USP10: variants seen among roughly 807,000 people sequenced by gnomAD.
USP10 encodes the protein ubiquitin specific peptidase 10, also known as ubiquitin carboxyl-terminal hydrolase 10.
Under a neutral mutation model 84.5 loss-of-function variants are expected in USP10, and 22 were observed. That is an observed-to-expected ratio of 0.26 (90% CI 0.19 to 0.37). USP10 has a LOEUF of 0.37. Among genes scored for constraint, USP10 ranks in the 10% least tolerant of loss-of-function variants. USP10 has a pLI of 1.00. For synonymous variants in USP10, 454 were observed against 387.6 expected (o/e 1.17, Z -2.01); for missense variants, 1,019 against 998.9 (o/e 1.02, Z -0.27).
chr16:84,722,959 G>A (rs934454346), intron 1 of USP10, among the ~76,000 whole-genome samples: 5 of 152,174 alleles, frequency 3.3e-5, no homozygotes, highest in African/African-American at 1.2e-4. Context: ...GTACAAATAG[G>A]TGGTTCTTAG....
intron 1 of USP10, among the ~76,000 whole-genome samples, chr16:84,726,244 G>C (rs1021749047): frequency 1.3e-5 from 2 of 152,232 alleles, no homozygotes; most frequent in Non-Finnish European, 2.9e-5. Flanking sequence ...ATAGTCCCCA[G>C]CGTCTCCTGA....
chr16:84,762,510 G>A (rs1186784993), intron 8 of USP10, among the ~76,000 whole-genome samples: 1 of 152,088 alleles, frequency 6.6e-6, no homozygotes, highest in Non-Finnish European at 1.5e-5. Flanking sequence ...GGCCGACATG[G>A]TGAAACCCCG....
intron 10 of USP10, among the ~76,000 whole-genome samples, chr16:84,765,146 A>G (rs1913709263): frequency 6.6e-6 from 1 of 151,910 alleles, no homozygotes; most frequent in African/African-American, 2.4e-5. Flanking sequence ...AATTTTATTT[A>G]TGTTAATAAA....
chr16:84,758,073 A>C (rs574113373), intron 4 of USP10, among the ~76,000 whole-genome samples: 4 of 152,332 alleles, frequency 2.6e-5, no homozygotes, highest in Non-Finnish European at 5.9e-5. Context: ...AGTGATGTCC[A>C]CTCAGGGTGA....
At chr16:84,720,882 A>G (rs1410255710) in intron 1 of USP10, among the ~76,000 whole-genome samples, 1 of 145,424 alleles carries the variant, frequency 6.9e-6, no homozygotes, top group Non-Finnish European at 1.5e-5. Context: ...GCGCCCGGCC[A>G]ATGATGCACA....
At chr16:84,701,998 T>G (rs1358410154) in intron 1 of USP10, among the ~76,000 whole-genome samples, 2 of 142,072 alleles carry the variant, frequency 1.4e-5, no homozygotes, top group Non-Finnish European at 3.0e-5. Flanking sequence ...AGTGCTGTGG[T>G]TATTAACCTA....
intron 4 of USP10, among the ~76,000 whole-genome samples, chr16:84,749,408 G>GTATT (rs1439762746): frequency 6.6e-6 from 1 of 152,156 alleles, no homozygotes; most frequent in Non-Finnish European, 1.5e-5. Context: ...TGAGACAGTG[G>GTATT]TATTTGTGTT....
intron 1 of USP10, among the ~76,000 whole-genome samples, chr16:84,714,280 T>A (rs1036481238): frequency 6.6e-6 from 1 of 152,216 alleles, no homozygotes; most frequent in African/African-American, 2.4e-5. Flanking sequence ...TTCCTTAAAA[T>A]GTGGAATGAC....
intron 3 of USP10, among the ~76,000 whole-genome samples, chr16:84,744,083 AC>A (rs1470734205): frequency 1.6e-4 from 25 of 151,526 alleles, no homozygotes; most frequent in Non-Finnish European, 2.7e-4. Context: ...TCTTTTTTTG[AC>A]ATCTTTTTTT....
chr16:84,764,832 GA>G (rs896822687), intron 10 of USP10, among the ~76,000 whole-genome samples: 19 of 123,264 alleles, frequency 1.5e-4, no homozygotes, highest in African/African-American at 4.2e-4. Flanking sequence ...TCTGTCTCAA[GA>G]AAAAAAAAAG....
At chr16:84,774,015 C>T (rs190603707) in intron 12 of USP10, among the ~76,000 whole-genome samples, 226 of 152,162 alleles carry the variant, frequency 1.5e-3, no homozygotes, top group Middle Eastern at 3.4e-3. Context: ...TTTGGGAGGC[C>T]GAGGCAGGCA....
intron 4 of USP10, among the ~76,000 whole-genome samples, chr16:84,756,163 G>T (rs1300608207): frequency 1.3e-5 from 2 of 148,724 alleles, no homozygotes; most frequent in Non-Finnish European, 3.0e-5. Context: ...GGACATCACA[G>T]TTCGTCCCTT....
intron 12 of USP10, 124 bp from the exon 13 acceptor site, chr16:84,775,036 G>C: frequency 1.2e-6 from 1 of 806,616 alleles, no homozygotes; most frequent in Non-Finnish European, 2.1e-6. Context: ...GGGATAGAGT[G>C]TTGTTTTGTT....
At chr16:84,770,706 A>C (rs1250585600) in intron 11 of USP10, among the ~76,000 whole-genome samples, 2 of 148,726 alleles carry the variant, frequency 1.3e-5, no homozygotes, top group Non-Finnish European at 3.0e-5. Flanking sequence ...TGGGAGGCGG[A>C]GCTTGCAGTG....
chr16:84,744,857 G>A lies in USP10; in HGVS notation c.376G>A (p.Gly126Arg), dbSNP rs754336406. ...QYPGSALALD[G>R]SSNVEAEVLE... ...CCCAGGCTCTGCCCTCGCTTTGGAT[G>A]GAAGTTCTAATGTGGAGGCGGAAGT... is the stretch of plus-strand genomic sequence containing the variant. Residue 126 changes from glycine to arginine, a missense_variant, in exon 4 of 14, where the codon GGA (glycine) becomes AGA (arginine). This residue lies in a region of USP10 where 787 missense variants were observed against 708.8 expected (regional missense o/e 1.11). Transcript: ENST00000219473. The A allele has an allele frequency of 1.9e-6, 3 of 1,613,744 alleles. No individual in the cohort carries two copies. The highest frequency in any genetic ancestry group is 2.2e-5 in the South Asian group (2 of 91,066).
chr16:84,745,166 C>T lies in USP10; in HGVS notation c.685C>T (p.Pro229Ser). The change falls in exon 4 of 14, where the codon CCC (proline) becomes TCC (serine). Residue 229 changes from proline to serine, a missense_variant. By Grantham distance (74) the Pro-to-Ser change is moderately conservative. Around this residue, in one of 2 missense-constraint regions of USP10, gnomAD observed 787 missense variants for 708.8 expected, o/e 1.11. Coordinates refer to ENST00000219473, the MANE Select transcript of USP10 (RefSeq NM_005153.3). ...VSDIVPDSPF[P>S]GALGSDTRTA... ...TGACATTGTGCCTGACAGTCCTTTC[C>T]CCGGAGCACTCGGCAGTGACACCAG... The T allele has an allele frequency of 6.2e-7, 1 of 1,613,344 alleles. No individual in the cohort carries two copies. The highest frequency in any genetic ancestry group is 8.5e-7 in the Non-Finnish European group (1 of 1,179,646).
intron 4 of USP10, among the ~76,000 whole-genome samples, chr16:84,746,716 G>C (rs1004466361): frequency 2.6e-5 from 4 of 152,124 alleles, no homozygotes; most frequent in Non-Finnish European, 5.9e-5. Flanking sequence ...GAGCAAAGCC[G>C]AGTTTTATAA....
At chr16:84,764,379 T>C (rs58299117) in intron 10 of USP10, 116 bp downstream of exon 10, 55,031 of 1,375,810 alleles carry the variant, frequency 0.04, 1,971 homozygotes, top group East Asian at 0.17. Flanking sequence ...GGTTTGCATC[T>C]TGCTCCCCTG....
intron 4 of USP10, among the ~76,000 whole-genome samples, chr16:84,749,698 A>T (rs1395076419): frequency 1.3e-5 from 2 of 152,236 alleles, no homozygotes; most frequent in Non-Finnish European, 2.9e-5. Flanking sequence ...TGCTTAATAA[A>T]TGCCAGCTAG....
Sources: gnomAD v4.1 joint callset for allele counts (sites outside exome capture counted in the v4.1 genomes callset) on GRCh38, gnomAD v4.1.1 for gene constraint, gnomAD v4.1.1 regional missense constraint, MANE v1.5 for transcripts, NCBI Gene and HGNC (gene_info 2026-07-23, HGNC 2026-07-21) for gene names.